PTPRD: variants seen among roughly 807,000 people sequenced by gnomAD.
The protein encoded by PTPRD is receptor-type tyrosine-protein phosphatase delta.
Under a neutral mutation model 214.5 loss-of-function variants are expected in PTPRD, and 34 were observed. That is an observed-to-expected ratio of 0.16 (90% confidence interval 0.12 to 0.21). PTPRD has a LOEUF of 0.21. PTPRD is among the 10% of genes least tolerant of loss of function. The pLI, the probability that PTPRD is intolerant of heterozygous loss-of-function variation, is 1.00. For synonymous variants in PTPRD, 1,128 were observed against 845.7 expected (o/e 1.33, Z -5.79); for missense variants, 2,545 against 2,398.7 (o/e 1.06, Z -1.27).
At chr9:9,223,484 C>G (rs2099957480) in intron 9 of PTPRD, among the ~76,000 whole-genome samples, 2 of 152,016 alleles carry the variant, frequency 1.3e-5, no homozygotes, top group Admixed American at 6.6e-5. Flanking sequence ...ATGATTCAAT[C>G]AGAATGCTCT....
Position 8,851,908 on chromosome 9 carries a change from C to T in PTPRD, c.-103-117962G>A, listed in dbSNP as rs375362077. Among the ~76,000 whole-genome samples, 11 of 152,102 alleles carry T rather than the reference C, an allele frequency of 7.2e-5. No individual in the cohort carries two copies. In the South Asian group the frequency reaches 1.2e-3, roughly 17 times the overall value. Reference sequence around the variant, plus strand: ...AGCCTAAAAAGAAAGGAACCTGGGTCGAGATTTTGCAATTCTTTAGCATCA... The same window carrying T: ...AGCCTAAAAAGAAAGGAACCTGGGTTGAGATTTTGCAATTCTTTAGCATCA... On this transcript the variant is annotated intron_variant, in intron 11 of 45. Coordinates refer to ENST00000381196, the MANE Select transcript of PTPRD (RefSeq NM_002839.4).
intron 2 of PTPRD, among the ~76,000 whole-genome samples, chr9:10,528,479 T>C (rs562331468): frequency 6.6e-6 from 1 of 152,278 alleles, no homozygotes; most frequent in East Asian, 1.9e-4. Flanking sequence ...CAGTATATTA[T>C]AACATCTTTT....
chr9:8,676,677 A>G (rs2097426999), intron 12 of PTPRD, among the ~76,000 whole-genome samples: 1 of 152,034 alleles, frequency 6.6e-6, no homozygotes, highest in African/African-American at 2.4e-5. Context: ...GGGTTCAAGC[A>G]ATTCTCCTGC....
intron 36 of PTPRD, among the ~76,000 whole-genome samples, chr9:8,400,018 T>C (rs2092102798): frequency 6.7e-6 from 1 of 149,610 alleles, no homozygotes; most frequent in Non-Finnish European, 1.5e-5. Context: ...ATCATATCTA[T>C]TATAATGTCT....
chr9:10,098,619 A>G (rs919560157), intron 3 of PTPRD, among the ~76,000 whole-genome samples: 2 of 151,660 alleles, frequency 1.3e-5, no homozygotes, highest in African/African-American at 4.8e-5. Context: ...TCAGACTAGC[A>G]GAGTAAAAGA....
intron 3 of PTPRD, among the ~76,000 whole-genome samples, chr9:10,091,944 T>C (rs1015182676): frequency 1.3e-5 from 2 of 151,222 alleles, no homozygotes; most frequent in African/African-American, 4.8e-5. Flanking sequence ...GGCTTCAGAG[T>C]AGTAGTACAG....
intron 11 of PTPRD, among the ~76,000 whole-genome samples, chr9:8,761,324 T>C (rs2094399684): frequency 6.6e-6 from 1 of 152,078 alleles, no homozygotes; most frequent in African/African-American, 2.4e-5. Flanking sequence ...GGTGGTTAAA[T>C]AAAGAATAAT....
In PTPRD at chr9:10,060,313, G is replaced by C. The variant is rs116913280; in HGVS notation, c.-544-26523C>G. Among the ~76,000 whole-genome samples, 751 of 152,144 alleles carry C rather than the reference G, an allele frequency of 4.9e-3. 3 individuals are homozygous for C. Among genetic ancestry groups the C allele is most frequent in the Non-Finnish European group, 6.5e-3 (440 of 67,930 alleles). On this transcript the variant is annotated intron_variant, in intron 3 of 45. Coordinates refer to ENST00000381196, the MANE Select transcript of PTPRD (RefSeq NM_002839.4). ...AGAGAGGGAAAGAAAAGAATGGGGAGAAAGAAAACTACTTTCTAAATGCAA... is the reference window on the plus strand; with the variant it reads ...AGAGAGGGAAAGAAAAGAATGGGGACAAAGAAAACTACTTTCTAAATGCAA...
At chr9:10,457,331 T>C (rs1301942233) in intron 2 of PTPRD, among the ~76,000 whole-genome samples, 1 of 152,004 alleles carries the variant, frequency 6.6e-6, no homozygotes, top group African/African-American at 2.4e-5. Flanking sequence ...TGCCATTCCA[T>C]GGAAGTAACC....
chr9:9,766,516 C>T (rs2098708224), intron 6 of PTPRD, among the ~76,000 whole-genome samples: 1 of 152,128 alleles, frequency 6.6e-6, no homozygotes, highest in Non-Finnish European at 1.5e-5. Context: ...ACATGTTAAA[C>T]ATCTTTCATC....
At chr9:9,740,605 T>C (rs2761737) in intron 6 of PTPRD, among the ~76,000 whole-genome samples, 82,403 of 151,866 alleles carry the variant, frequency 0.54, 25,498 homozygotes, top group African/African-American at 0.85. Context: ...TCGTGATCTG[T>C]CTGCCTTGGC....
At chr9:8,627,337 C>T (rs1355268792) in intron 14 of PTPRD, among the ~76,000 whole-genome samples, 3 of 151,726 alleles carry the variant, frequency 2.0e-5, no homozygotes, top group East Asian at 1.9e-4. Flanking sequence ...CTTAGCTGTA[C>T]GACCAAGAAC....
chr9:8,490,225 A>G (rs1204993345), intron 27 of PTPRD, among the ~76,000 whole-genome samples: 1 of 152,216 alleles, frequency 6.6e-6, no homozygotes, highest in Admixed American at 6.5e-5. Context: ...TACAAAGTAA[A>G]TAACTCTAAA....
rs1250014758 is a variant in PTPRD at position 10,347,910 on chromosome 9, T to C, written c.-599-6893A>G. The stretch of plus-strand genomic sequence containing the variant: ...CTATCTCTACTAAAAATACAAAAAT[T>C]AGCCCAGCGTGGTGCATGTGCCTGG... On this transcript the variant is annotated intron_variant, in intron 2 of 45. Transcript: ENST00000381196. 2.0e-5 allele frequency among the ~76,000 whole-genome samples: 3 copies of C among 151,932 alleles called. No individual in the cohort carries two copies. In the East Asian group the frequency reaches 5.9e-4, roughly 30 times the overall value.
intron 9 of PTPRD, among the ~76,000 whole-genome samples, chr9:9,295,546 G>C (rs1489331010): frequency 6.6e-6 from 1 of 151,750 alleles, no homozygotes. Context: ...TATTGCAAGG[G>C]TAGCTATGTC....
chr9:8,329,837 C>T (rs542479866), intron 44 of PTPRD, among the ~76,000 whole-genome samples: 2 of 152,232 alleles, frequency 1.3e-5, no homozygotes, highest in South Asian at 4.1e-4. Context: ...CCTACTCTAG[C>T]CTCAGCAATG....
At chr9:8,945,779 T>A (rs1311784058) in intron 11 of PTPRD, among the ~76,000 whole-genome samples, 1 of 152,148 alleles carries the variant, frequency 6.6e-6, no homozygotes, top group Non-Finnish European at 1.5e-5. Flanking sequence ...TACAGTCCCA[T>A]CTAGCTAAGA....
intron 12 of PTPRD, among the ~76,000 whole-genome samples, chr9:8,656,825 G>A (rs756247639): frequency 6.6e-6 from 1 of 152,160 alleles, no homozygotes; most frequent in Non-Finnish European, 1.5e-5. Context: ...TTCCTTAGAT[G>A]AGGATGTCAG....
chr9:9,868,097 T>G lies in PTPRD; in HGVS notation c.-368+70410A>C, dbSNP rs148735755. ...TGTGCCTACAGCCCACAGGTGCAGA[T>G]AGACCACTATGCTTTTGGCAGTCTA... On this transcript the variant is annotated intron_variant, in intron 5 of 45. Transcript: ENST00000381196. 8.3e-3 allele frequency among the ~76,000 whole-genome samples: 1,266 copies of G among 152,294 alleles called. 11 individuals are homozygous for G. The highest frequency in any genetic ancestry group is 0.01 in the Non-Finnish European group (699 of 68,026).
Sources: allele counts gnomAD v4.1 joint callset (sites outside exome capture counted in the v4.1 genomes callset), GRCh38; gene constraint gnomAD v4.1.1; transcripts MANE v1.5; gene names NCBI Gene and HGNC (gene_info 2026-07-23, HGNC 2026-07-21).